The following FRK variants were observed in gnomAD, a reference collection of about 807,000 sequenced individuals.
FRK encodes tyrosine-protein kinase FRK.
FRK carries 51 observed loss-of-function variants against 56.4 expected under a neutral mutation model. The observed-to-expected ratio is 0.90, with a 90% confidence interval of 0.72 to 1.14. FRK has a LOEUF of 1.14. FRK is among the 50% of genes most tolerant of loss of function. The pLI is 0.00. For missense variants in FRK, 570 were observed against 601.4 expected, an observed-to-expected ratio of 0.95 and a Z score of 0.55; for synonymous variants, 245 against 217.9, an observed-to-expected ratio of 1.12 and a Z score of -1.10.
chr6:116,087,925 T>A, the FRK span, among the ~76,000 whole-genome samples: 1 of 152,332 alleles, frequency 6.6e-6, no homozygotes, highest in South Asian at 2.1e-4. Context: ...TTCTCCTTTG[T>A]GCCCAAGGGC....
At chr6:115,986,102 C>G (rs562624958) in intron 2 of FRK, among the ~76,000 whole-genome samples, 8 of 151,874 alleles carry the variant, frequency 5.3e-5, no homozygotes, top group African/African-American at 1.7e-4. Context: ...TCTCTCCTAG[C>G]CTTTGCCATG....
chr6:116,075,233 T>C, the FRK span, among the ~76,000 whole-genome samples: 1 of 152,136 alleles, frequency 6.6e-6, no homozygotes, highest in Non-Finnish European at 1.5e-5. Flanking sequence ...AATTACTTTC[T>C]ATTTATGTGA....
intron 5 of FRK, among the ~76,000 whole-genome samples, chr6:115,944,705 T>G (rs1772352816): frequency 6.6e-6 from 1 of 152,132 alleles, no homozygotes; most frequent in Admixed American, 6.5e-5. Context: ...ATTCTGCCTT[T>G]TTTCTTTTTT....
In FRK at chr6:115,950,979, T is replaced by C. The variant is rs577325420; in HGVS notation, c.958+5473A>G. On this transcript the variant is annotated intron_variant, in intron 5 of 7. Coordinates refer to ENST00000606080, the MANE Select transcript of FRK (RefSeq NM_002031.3). Reference sequence around the variant, plus strand: ...GTGAGAGTTGAACAGTAAGAACACATGGGCACAGGGAGGGGAACATCACAC... The same window carrying C: ...GTGAGAGTTGAACAGTAAGAACACACGGGCACAGGGAGGGGAACATCACAC... 1.1e-4 allele frequency among the ~76,000 whole-genome samples: 17 copies of C among 152,068 alleles called. No individual in the cohort carries two copies. The South Asian group carries it at 3.5e-3, about 32-fold the overall frequency.
At chr6:115,955,934 C>G (rs1314391156) in intron 5 of FRK, among the ~76,000 whole-genome samples, 1 of 152,196 alleles carries the variant, frequency 6.6e-6, no homozygotes, top group Non-Finnish European at 1.5e-5. Flanking sequence ...AAAGTAATAG[C>G]ATATTTCTGC....
At chr6:116,075,116 C>A in the FRK span, among the ~76,000 whole-genome samples, 2 of 152,112 alleles carry the variant, frequency 1.3e-5, no homozygotes, top group Admixed American at 1.3e-4. Flanking sequence ...TTGAACTCTT[C>A]TCTCCTTTTG....
chr6:116,049,755 G>T (rs1045419389), intron 1 of FRK, among the ~76,000 whole-genome samples: 32 of 152,162 alleles, frequency 2.1e-4, no homozygotes, highest in Admixed American at 1.3e-4. Flanking sequence ...TATTTGTATG[G>T]TAAGTGACAT....
At chr6:116,026,455 A>G (rs1311363508) in intron 1 of FRK, among the ~76,000 whole-genome samples, 2 of 146,700 alleles carry the variant, frequency 1.4e-5, no homozygotes, top group East Asian at 4.3e-4. Flanking sequence ...TGACACCAAA[A>G]GTATGATTCA....
chr6:116,044,976 T>C (rs539286628), intron 1 of FRK, among the ~76,000 whole-genome samples: 2 of 152,300 alleles, frequency 1.3e-5, no homozygotes, highest in African/African-American at 4.8e-5. Flanking sequence ...TGAACTCTCA[T>C]TCACAATTGC....
the FRK span, among the ~76,000 whole-genome samples, chr6:116,096,734 A>G: frequency 6.6e-6 from 1 of 152,214 alleles, no homozygotes; most frequent in Non-Finnish European, 1.5e-5. Flanking sequence ...CAAATAAGGG[A>G]ATAAAAGCTG....
chr6:116,094,013 C>T, the FRK span, among the ~76,000 whole-genome samples: 2 of 152,190 alleles, frequency 1.3e-5, no homozygotes, highest in African/African-American at 2.4e-5. Context: ...AGAAAGGCCG[C>T]AGCCTTAGTC....
At chr6:115,960,111 T>C (rs1773274638) in intron 4 of FRK, among the ~76,000 whole-genome samples, 1 of 151,918 alleles carries the variant, frequency 6.6e-6, no homozygotes, top group Non-Finnish European at 1.5e-5. Context: ...GACGGGTGAT[T>C]TCTGCATTTC....
At chr6:116,036,125 C>G (rs1776471705) in intron 1 of FRK, among the ~76,000 whole-genome samples, 1 of 152,042 alleles carries the variant, frequency 6.6e-6, no homozygotes, top group East Asian at 1.9e-4. Flanking sequence ...AAATAAGTTT[C>G]AGCAAATATA....
chr6:115,943,745 A>G (rs918276113), intron 6 of FRK, among the ~76,000 whole-genome samples: 3 of 152,166 alleles, frequency 2.0e-5, no homozygotes, highest in Non-Finnish European at 4.4e-5. Context: ...TTAGGGTACA[A>G]TGTGGAAATG....
chr6:115,974,190 A>G (rs1773912467), intron 2 of FRK, among the ~76,000 whole-genome samples: 1 of 152,206 alleles, frequency 6.6e-6, no homozygotes, highest in African/African-American at 2.4e-5. Context: ...GAAATGGACT[A>G]CGTGGAAATT....
At chr6:116,035,846 T>C (rs1776462393) in intron 1 of FRK, among the ~76,000 whole-genome samples, 1 of 152,038 alleles carries the variant, frequency 6.6e-6, no homozygotes, top group African/African-American at 2.4e-5. Flanking sequence ...GTTTCTATGG[T>C]TTCTATTTAC....
Position 116,006,964 on chromosome 6 carries a change from C to T in FRK, c.345-2966G>A, listed in dbSNP as rs545828876. Among the ~76,000 whole-genome samples the T allele has an allele frequency of 2.6e-5, 4 of 152,208 alleles. No homozygotes were observed. The South Asian group carries it at 6.2e-4, about 24-fold the overall frequency. On this transcript the variant is annotated intron_variant, in intron 1 of 7. Coordinates refer to ENST00000606080, the MANE Select transcript of FRK (RefSeq NM_002031.3). Reference sequence around the variant, plus strand: ...TAAGAAAACACGTTAGAAAACTGTACCTAATTTTTATGAATACATGCATGT... The same window carrying T: ...TAAGAAAACACGTTAGAAAACTGTATCTAATTTTTATGAATACATGCATGT...
At chr6:115,958,857 A>C (rs1291354654) in intron 4 of FRK, among the ~76,000 whole-genome samples, 1 of 151,598 alleles carries the variant, frequency 6.6e-6, no homozygotes, top group African/African-American at 2.4e-5. Flanking sequence ...GAAAAAGAAA[A>C]TTATATATAC....
At chr6:115,985,499 T>C (rs896845382) in intron 2 of FRK, among the ~76,000 whole-genome samples, 1 of 152,152 alleles carries the variant, frequency 6.6e-6, no homozygotes, top group African/African-American at 2.4e-5. Flanking sequence ...TCACATATTC[T>C]TTTTTATTGT....
Sources: gnomAD v4.1 joint callset for allele counts (sites outside exome capture counted in the v4.1 genomes callset) on GRCh38, gnomAD v4.1.1 for gene constraint, MANE v1.5 for transcripts, NCBI Gene and HGNC (gene_info 2026-07-23, HGNC 2026-07-21) for gene names.